The following NRXN1 variants were observed in gnomAD, a reference collection of about 807,000 sequenced individuals.
NRXN1 encodes neurexin-1.
A neutral mutation model predicts 150.9 loss-of-function variants in NRXN1; 39 were observed. The observed-to-expected ratio is 0.26, with a 90% confidence interval of 0.20 to 0.34. The LOEUF is 0.34. Ranked by LOEUF, NRXN1 falls within the 10% of genes least tolerant of loss-of-function variation. NRXN1 has a pLI of 1.00. For missense variants in NRXN1, 1,815 were observed against 1,949.9 expected (o/e 0.93, Z 1.30); for synonymous variants, 924 against 757.0 (o/e 1.22, Z -3.62).
chr2:50,764,424 T>C (rs2105405637), intron 5 of NRXN1, among the ~76,000 whole-genome samples: 1 of 152,108 alleles, frequency 6.6e-6, no homozygotes, highest in East Asian at 1.9e-4. Flanking sequence ...AGGCCAGTCA[T>C]CCCTTAGCAA....
intron 5 of NRXN1, among the ~76,000 whole-genome samples, chr2:50,821,172 G>T (rs1481627077): frequency 2.6e-5 from 4 of 152,084 alleles, no homozygotes; most frequent in Non-Finnish European, 4.4e-5. Flanking sequence ...AGCCAGACTT[G>T]GTTTAATCCA....
At position 51,006,156 on chromosome 2, in the gene NRXN1, G is replaced by A. The variant is rs570737167; in HGVS notation, c.772+21346C>T. 5.9e-5 allele frequency among the ~76,000 whole-genome samples: 9 copies of A among 151,906 alleles called. 1 individual carries two copies. The South Asian group carries it at 1.9e-3, about 32-fold the overall frequency. On this transcript the variant is annotated intron_variant, in intron 2 of 22. Transcript: ENST00000401669. ...ATAAGAACCTGTGTAGTTGTCTCAC[G>A]TGGGTCCGCAGCTATTTATTTCCAA...
At chr2:50,225,674 T>G (rs1026647483) in intron 18 of NRXN1, among the ~76,000 whole-genome samples, 1 of 151,798 alleles carries the variant, frequency 6.6e-6, no homozygotes, top group African/African-American at 2.4e-5. Context: ...TAGGAGTACT[T>G]TAAAGAAAGG....
intron 2 of NRXN1, among the ~76,000 whole-genome samples, chr2:51,019,068 A>G (rs951909107): frequency 1.3e-5 from 2 of 152,144 alleles, no homozygotes; most frequent in Admixed American, 6.6e-5. Flanking sequence ...ATGCTTTATT[A>G]TAAGTCAGCC....
chr2:50,122,495 C>A (rs1052342065), intron 18 of NRXN1, among the ~76,000 whole-genome samples: 41 of 152,220 alleles, frequency 2.7e-4, no homozygotes, highest in Admixed American at 8.5e-4. Context: ...TAACCCTATC[C>A]CCACTTGCTG....
chr2:50,405,583 G>C (rs1879320), intron 17 of NRXN1, among the ~76,000 whole-genome samples: 47,803 of 151,936 alleles, frequency 0.31, 9,837 homozygotes, highest in African/African-American at 0.58. Flanking sequence ...TGAAATAATG[G>C]TGATTTTCAA....
chr2:49,931,091 C>T (rs754560989), intron 22 of NRXN1, among the ~76,000 whole-genome samples: 1 of 152,152 alleles, frequency 6.6e-6, no homozygotes, highest in Non-Finnish European at 1.5e-5. Context: ...ACGATCATGT[C>T]ACTGCCCTCC....
rs139962121 is a variant in NRXN1 at position 50,168,454 on chromosome 2, G to A, written c.3546+68335C>T. On this transcript the variant is annotated intron_variant, in intron 18 of 22. Transcript: ENST00000401669. ...ATTTAAAAATCACGGTTCATTTGACGTCACATAAATGTAGAGAGAAGAGTG... is the reference window on the plus strand; with the variant it reads ...ATTTAAAAATCACGGTTCATTTGACATCACATAAATGTAGAGAGAAGAGTG... 1.8e-4 allele frequency among the ~76,000 whole-genome samples: 28 copies of A among 152,210 alleles called. No homozygotes were observed. In the East Asian group the frequency reaches 3.5e-3, roughly 19 times the overall value.
rs184028519 is a variant in NRXN1, at chr2:50,684,332, G to A, written c.833-60717C>T. Among the ~76,000 whole-genome samples, 358 of 151,860 alleles carry A rather than the reference G, an allele frequency of 2.4e-3. 2 individuals are homozygous for A. Among genetic ancestry groups the A allele is most frequent in the African/African-American group, 8.3e-3 (343 of 41,410 alleles). ...AGCCTGGACAACAAGTTGAAACCCC[G>A]TCACTACAAAAAAATACAAAAATAG... On this transcript the variant is annotated intron_variant, in intron 5 of 22. Transcript: ENST00000401669.
intron 5 of NRXN1, among the ~76,000 whole-genome samples, chr2:50,666,362 C>T (rs1386845069): frequency 1.3e-4 from 20 of 151,888 alleles, no homozygotes; most frequent in Admixed American, 1.1e-3. Context: ...CAAGTCACTA[C>T]AGTGAATTTT....
Position 50,346,798 on chromosome 2 carries a change from GC to G in NRXN1, c.3365-109829del, listed in dbSNP as rs775682152. ...GATGTGGTGCGCTCCCAAACTGGAT[GC>G]CCCCCACGCCACTCCTAGGAGGCCG... On this transcript the variant is annotated intron_variant, in intron 17 of 22. Transcript: ENST00000401669. The surrounding 1 kb of genome is among the most constrained non-coding windows in gnomAD (Gnocchi z 5.0). 3 of 1,613,328 alleles carry G rather than the reference GC, an allele frequency of 1.9e-6. No homozygotes were observed. Among genetic ancestry groups the G allele is most frequent in the Non-Finnish European group, 2.5e-6 (3 of 1,179,898 alleles).
intron 17 of NRXN1, among the ~76,000 whole-genome samples, chr2:50,293,278 G>A (rs1011153699): frequency 1.3e-5 from 2 of 151,914 alleles, no homozygotes; most frequent in Admixed American, 6.6e-5. Flanking sequence ...GACCACTTCT[G>A]ATCAACATGC....
chr2:50,304,337 AG>A, intron 17 of NRXN1, among the ~76,000 whole-genome samples: 1 of 152,318 alleles, frequency 6.6e-6, no homozygotes, highest in African/African-American at 2.4e-5. Context: ...AAAGGCTGAA[AG>A]GGTTGAAGAT....
At chr2:51,006,616 AT>A (rs1361547847) in intron 2 of NRXN1, among the ~76,000 whole-genome samples, 1 of 151,762 alleles carries the variant, frequency 6.6e-6, no homozygotes, top group African/African-American at 2.4e-5. Flanking sequence ...GTTACTCTCT[AT>A]TTTTCTAAGT....
rs1684671397 is a variant in NRXN1 at position 50,912,555 on chromosome 2, T to C, written c.832+9314A>G. 2.0e-5 allele frequency among the ~76,000 whole-genome samples: 3 copies of C among 151,918 alleles called. No individual in the cohort carries two copies. In the South Asian group the frequency reaches 6.2e-4, roughly 31 times the overall value. On this transcript the variant is annotated intron_variant, in intron 5 of 22. Transcript: ENST00000401669. The stretch of plus-strand genomic sequence containing the variant: ...TGACATGGGACACTAGACAAGTATG[T>C]TTTAATGTGAGTGAAACATGTGAGT...
At chr2:50,593,785 A>T (rs569758771) in intron 8 of NRXN1, among the ~76,000 whole-genome samples, 1 of 152,338 alleles carries the variant, frequency 6.6e-6, no homozygotes, top group African/African-American at 2.4e-5. Flanking sequence ...ATTACATCCA[A>T]CATATCTAGG....
chr2:50,877,412 T>G (rs1275410920), intron 5 of NRXN1, among the ~76,000 whole-genome samples: 2 of 152,006 alleles, frequency 1.3e-5, no homozygotes, highest in East Asian at 3.9e-4. Context: ...AAATTCTACT[T>G]TAGCAGCTGA....
At chr2:50,008,883 G>A (rs1573379079) in intron 21 of NRXN1, among the ~76,000 whole-genome samples, 1 of 152,138 alleles carries the variant, frequency 6.6e-6, no homozygotes, top group Middle Eastern at 3.4e-3. Flanking sequence ...TCACTAGGGG[G>A]TGTATGTTTG....
intron 5 of NRXN1, among the ~76,000 whole-genome samples, chr2:50,726,413 A>G (rs143387459): frequency 8.4e-4 from 128 of 152,346 alleles, no homozygotes; most frequent in African/African-American, 3.0e-3. Context: ...TTGGAGGCTG[A>G]GGCACACATA....
Sources: gnomAD v4.1 joint callset for allele counts (sites outside exome capture counted in the v4.1 genomes callset) on GRCh38, gnomAD v4.1.1 for gene constraint, Gnocchi (gnomAD v3.1) non-coding constraint, MANE v1.5 for transcripts, NCBI Gene and HGNC (gene_info 2026-07-23, HGNC 2026-07-21) for gene names.